Variants in ARMC2 observed in about 807,000 individuals in gnomAD.
The protein encoded by ARMC2 is armadillo repeat containing 2.
In ARMC2, 67 loss-of-function variants were observed where a neutral mutation model predicts 90.3. The ratio of observed to expected loss-of-function variants is 0.74; its 90% CI spans 0.61 to 0.91. The LOEUF (loss-of-function observed/expected upper bound fraction) is 0.91. Among genes scored for constraint, ARMC2 ranks in the 40% least tolerant of loss-of-function variants. The pLI, the probability that ARMC2 is intolerant of heterozygous loss-of-function variation, is 0.00. For missense variants in ARMC2, 920 were observed against 1,030.9 expected (o/e 0.89, Z 1.47); for synonymous variants, 393 against 393.0 (o/e 1.00, Z 0.00).
chr6:108,971,874 C>T (rs1305968388), intron 17 of ARMC2, among the ~76,000 whole-genome samples: 6 of 150,126 alleles, frequency 4.0e-5, no homozygotes, highest in Admixed American at 1.3e-4. Context: ...TGAGCCGAGA[C>T]TGCGCCACTG....
intron 17 of ARMC2, among the ~76,000 whole-genome samples, chr6:108,967,531 G>A (rs969376974): frequency 6.6e-5 from 10 of 152,150 alleles, no homozygotes; most frequent in African/African-American, 2.2e-4. Context: ...GGGGGGATTG[G>A]TTTCAGGGCC....
the ARMC2 span, among the ~76,000 whole-genome samples, chr6:109,034,277 G>T: frequency 6.6e-6 from 1 of 152,186 alleles, no homozygotes; most frequent in South Asian, 2.1e-4. Flanking sequence ...AGGTATTGAT[G>T]TATTTTTTAA....
At chr6:108,919,426 C>T (rs1228513323) in intron 10 of ARMC2, among the ~76,000 whole-genome samples, 1 of 152,144 alleles carries the variant, frequency 6.6e-6, no homozygotes, top group Non-Finnish European at 1.5e-5. Flanking sequence ...ACCAGTAGAA[C>T]TTTGCTCTGA....
In ARMC2 at chr6:108,867,720, A is replaced by G. The variant is rs1375229376; in HGVS notation, c.292-1104A>G. Among the ~76,000 whole-genome samples the G allele has an allele frequency of 4.6e-5, 7 of 151,994 alleles. No individual in the cohort carries two copies. The East Asian group carries it at 1.2e-3, about 25-fold the overall frequency. The stretch of plus-strand genomic sequence containing the variant: ...TGGGAGGCGGAGGTTGCGGTGAGCC[A>G]AGATCGTGCCATTGCACTCCAGCCT... On this transcript the variant is annotated intron_variant, in intron 3 of 17. Transcript: ENST00000392644.
the ARMC2 span, among the ~76,000 whole-genome samples, chr6:108,980,516 CT>C: frequency 0.11 from 16,731 of 151,808 alleles, 1,011 homozygotes; most frequent in Middle Eastern, 0.19. Context: ...AGGAGTTCTC[CT>C]GAGGAGAACG....
intron 16 of ARMC2, among the ~76,000 whole-genome samples, 196 bp from the exon 17 acceptor site, chr6:108,964,784 T>C (rs1276327458): frequency 4.6e-5 from 7 of 151,582 alleles, no homozygotes; most frequent in South Asian, 4.2e-4. Context: ...AGTGAGACTC[T>C]GTCTCAAAAA....
At chr6:108,955,851 G>A (rs961287314) in intron 13 of ARMC2, among the ~76,000 whole-genome samples, 8 of 152,208 alleles carry the variant, frequency 5.3e-5, no homozygotes, top group Non-Finnish European at 1.2e-4. Flanking sequence ...ACCACACTGA[G>A]CAGGGCTTCT....
intron 3 of ARMC2, 128 bp from the exon 4 acceptor site, chr6:108,868,696 C>T: frequency 1.3e-6 from 1 of 770,894 alleles, no homozygotes; most frequent in Non-Finnish European, 2.1e-6. Flanking sequence ...TTGGTAGAAT[C>T]AGGAAGCCAA....
At chr6:108,882,186 C>T (rs1269647056) in intron 5 of ARMC2, among the ~76,000 whole-genome samples, 7 of 151,346 alleles carry the variant, frequency 4.6e-5, no homozygotes, top group Non-Finnish European at 2.9e-5. Context: ...CCTGTAATCC[C>T]AACACTTTGG....
At chr6:108,902,742 A>G (rs771536005) in intron 7 of ARMC2, among the ~76,000 whole-genome samples, 5 of 152,184 alleles carry the variant, frequency 3.3e-5, no homozygotes, top group Admixed American at 1.3e-4. Flanking sequence ...ACATTATGGT[A>G]TTTATTTAAG....
chr6:109,049,335 C>G, the ARMC2 span, among the ~76,000 whole-genome samples: 1 of 151,368 alleles, frequency 6.6e-6, no homozygotes, highest in Non-Finnish European at 1.5e-5. Context: ...AAAAGTTGAT[C>G]TCATGGAAGT....
the ARMC2 span, among the ~76,000 whole-genome samples, chr6:108,989,937 A>G: frequency 1.3e-5 from 2 of 152,220 alleles, no homozygotes; most frequent in African/African-American, 4.8e-5. Flanking sequence ...TAGTCTGGCT[A>G]CTGATTAGTG....
intron 5 of ARMC2, among the ~76,000 whole-genome samples, chr6:108,878,769 T>G (rs1481181472): frequency 2.0e-5 from 3 of 152,182 alleles, no homozygotes; most frequent in Non-Finnish European, 4.4e-5. Flanking sequence ...ATTTAGGGAT[T>G]CATTTAAGGT....
At chr6:108,879,041 T>C (rs578096933) in intron 5 of ARMC2, among the ~76,000 whole-genome samples, 10 of 140,908 alleles carry the variant, frequency 7.1e-5, no homozygotes, top group Admixed American at 3.5e-4. Flanking sequence ...ACCCATCTAC[T>C]CATCCACTCA....
At chr6:108,892,321 G>A (rs1420150128) in intron 5 of ARMC2, among the ~76,000 whole-genome samples, 3 of 152,054 alleles carry the variant, frequency 2.0e-5, no homozygotes, top group Non-Finnish European at 4.4e-5. Flanking sequence ...AGCCATTTTC[G>A]ATTGGCTAGT....
the ARMC2 span, among the ~76,000 whole-genome samples, chr6:108,989,439 C>A: frequency 6.8e-6 from 1 of 146,252 alleles, no homozygotes; most frequent in African/African-American, 2.6e-5. Context: ...ATATCTAGAT[C>A]TAGATACATC....
the ARMC2 span, among the ~76,000 whole-genome samples, chr6:109,043,573 C>A: frequency 6.6e-6 from 1 of 152,050 alleles, no homozygotes; most frequent in East Asian, 1.9e-4. Context: ...TTTCTATAGA[C>A]CATCAGTGAA....
chr6:108,855,255 T>C (rs1043358383), intron 2 of ARMC2, among the ~76,000 whole-genome samples: 1 of 150,998 alleles, frequency 6.6e-6, no homozygotes, highest in African/African-American at 2.4e-5. Context: ...TTTTTCTTTT[T>C]TTTTTTTTTT....
chr6:109,026,694 G>A, the ARMC2 span, among the ~76,000 whole-genome samples: 6 of 151,846 alleles, frequency 4.0e-5, no homozygotes, highest in Non-Finnish European at 5.9e-5. Flanking sequence ...TAGTAGCGAC[G>A]GGGTTTCACC....
Sources: allele counts gnomAD v4.1 joint callset (sites outside exome capture counted in the v4.1 genomes callset), GRCh38; gene constraint gnomAD v4.1.1; transcripts MANE v1.5; gene names NCBI Gene and HGNC (gene_info 2026-07-23, HGNC 2026-07-21).